The following ANKRD11 variants were observed in gnomAD, a reference collection of about 807,000 sequenced individuals.
The protein encoded by ANKRD11 is ankyrin repeat domain-containing protein 11.
Under a neutral mutation model 195.7 loss-of-function variants are expected in ANKRD11, and 17 were observed. The ratio of observed to expected loss-of-function variants is 0.09; its 90% CI spans 0.06 to 0.13. The LOEUF is 0.13. Ranked by LOEUF, ANKRD11 falls within the 10% of genes least tolerant of loss-of-function variation. ANKRD11 has a pLI of 1.00. For synonymous variants in ANKRD11, 1,953 were observed against 1,528.1 expected (o/e 1.28, Z -6.49); for missense variants, 3,735 against 3,566.1 (o/e 1.05, Z -1.21).
chr16:89,299,267 G>A, intron 4 of ANKRD11: 1 of 190,906 alleles, frequency 5.2e-6, no homozygotes, highest in South Asian at 7.1e-5. Context: ...GATCTACAGG[G>A]GAGGGGCCTG....
At chr16:89,341,641 C>A (rs2038664981) in intron 2 of ANKRD11, among the ~76,000 whole-genome samples, 1 of 152,254 alleles carries the variant, frequency 6.6e-6, no homozygotes, top group Admixed American at 6.5e-5. Flanking sequence ...CCACCGTTAA[C>A]ACTGGGAGCA....
At chr16:89,275,806 T>C (rs971930385) in intron 9 of ANKRD11, among the ~76,000 whole-genome samples, 3 of 151,974 alleles carry the variant, frequency 2.0e-5, no homozygotes, top group Admixed American at 6.6e-5. Context: ...TGAAACTACA[T>C]GCATGCTGGA....
In ANKRD11 at chr16:89,398,744, CA is replaced by C. The variant is rs949550430; in HGVS notation, c.-60+19539del. On this transcript the variant is annotated intron_variant, in intron 2 of 12. Transcript: ENST00000301030. ...CAGTGACAGAGAGAGATTGTGTGTC[CA>C]AAAAAAAAAATCCCAATACACTGTT... Among the ~76,000 whole-genome samples, 1,303 of 144,176 alleles carry C rather than the reference CA, an allele frequency of 9.0e-3. 13 individuals carry two copies. The highest frequency in any genetic ancestry group is 0.031 in the African/African-American group (1,240 of 39,472). 94.6% of individuals were successfully genotyped at this position (144,176 alleles called of 152,430 possible).
At chr16:89,346,384 G>A (rs2038943576) in intron 2 of ANKRD11, among the ~76,000 whole-genome samples, 1 of 152,014 alleles carries the variant, frequency 6.6e-6, no homozygotes, top group East Asian at 1.9e-4. Context: ...CAGAAGATCT[G>A]AAAGCAAGAC....
intron 1 of ANKRD11, among the ~76,000 whole-genome samples, chr16:89,456,645 C>G (rs976846464): frequency 2.6e-5 from 4 of 151,746 alleles, no homozygotes; most frequent in African/African-American, 9.7e-5. Flanking sequence ...CACAAGTAAA[C>G]AGGAATACAG....
chr16:89,310,434 T>C (rs1363550639), intron 3 of ANKRD11, among the ~76,000 whole-genome samples: 2 of 152,224 alleles, frequency 1.3e-5, no homozygotes, highest in Non-Finnish European at 2.9e-5. Context: ...TCTTTTCAAT[T>C]TCCCTATTAA....
intron 3 of ANKRD11, 120 bp from the exon 4 acceptor site, chr16:89,305,464 G>A: frequency 7.3e-7 from 1 of 1,375,240 alleles, no homozygotes; most frequent in Non-Finnish European, 1.0e-6. Flanking sequence ...CACCCTCCCT[G>A]CACCCCAGGG....
intron 11 of ANKRD11, 113 bp downstream of exon 11, chr16:89,274,701 G>A: frequency 2.0e-6 from 3 of 1,492,192 alleles, no homozygotes; most frequent in African/African-American, 1.4e-5. Context: ...CCCCTGCAAG[G>A]TGCTGAGCAC....
At chr16:89,306,546 T>C (rs375422800) in intron 3 of ANKRD11, among the ~76,000 whole-genome samples, 196 of 2,300 alleles carry the variant, frequency 0.085, 1 homozygote, top group Admixed American at 0.12. Context: ...CACGCGCCAC[T>C]TACCTCCCAC....
chr16:89,281,794 A>G lies in ANKRD11; in HGVS notation c.4748T>C (p.Phe1583Ser), dbSNP rs1264377307. 1 of 1,613,596 alleles carries G rather than the reference A, an allele frequency of 6.2e-7. No homozygotes were observed. The change falls in exon 9 of 13, where the codon TTC (phenylalanine) becomes TCC (serine). Residue 1583 changes from phenylalanine (F) to serine (S), a missense_variant. Phe to Ser is a radical substitution (Grantham distance 155). Transcript: ENST00000301030. This position sits in a 1 kb window ranked among gnomAD's most constrained non-coding sequence, Gnocchi z 5.5. ...LGDGDLMMTS[F>S]ERMLSQKDLE... is the part of the protein sequence containing the mutation. ...GTCCTTCTGGGACAGCATCCTCTCG[A>G]AGCTGGTCATCATCAGGTCGCCGTC...
At chr16:89,270,173 A>C (rs1321045014) in intron 12 of ANKRD11, 1 of 161,494 alleles carries the variant, frequency 6.2e-6, no homozygotes, top group Non-Finnish European at 1.4e-5. Flanking sequence ...GGTGGTTCTC[A>C]TCTGTGCCCA....
intron 2 of ANKRD11, among the ~76,000 whole-genome samples, chr16:89,368,017 C>CA (rs1567708248): frequency 6.6e-6 from 1 of 151,922 alleles, no homozygotes; most frequent in Non-Finnish European, 1.5e-5. Flanking sequence ...AAACAAAAAA[C>CA]AAAAAAAGAA....
intron 3 of ANKRD11, chr16:89,313,230 A>G: frequency 2.4e-6 from 3 of 1,228,478 alleles, no homozygotes; most frequent in South Asian, 1.4e-5. Context: ...CATGGAGCAC[A>G]ATGAGACAGG....
At chr16:89,292,518 G>T (rs908473236) in intron 4 of ANKRD11, among the ~76,000 whole-genome samples, 2 of 152,150 alleles carry the variant, frequency 1.3e-5, no homozygotes, top group Non-Finnish European at 2.9e-5. Context: ...TTAGGAATTC[G>T]GTCTGGGGCA....
At chr16:89,425,889 G>A (rs962132043) in intron 1 of ANKRD11, among the ~76,000 whole-genome samples, 3 of 152,120 alleles carry the variant, frequency 2.0e-5, no homozygotes, top group African/African-American at 4.8e-5. Flanking sequence ...AGGAAAAAAC[G>A]AAACAGGAAA....
At chr16:89,377,945 A>G (rs186876275) in intron 2 of ANKRD11, among the ~76,000 whole-genome samples, 14 of 151,690 alleles carry the variant, frequency 9.2e-5, no homozygotes, top group Non-Finnish European at 2.1e-4. Context: ...ATGATGACCC[A>G]CTTCCACTTA....
chr16:89,278,075 G>A (rs1049613709), intron 9 of ANKRD11: 18 of 190,072 alleles, frequency 9.5e-5, no homozygotes, highest in East Asian at 1.5e-4. Flanking sequence ...CAAGCGAGAC[G>A]GCTGCATCAA....
At chr16:89,388,905 G>A (rs2041049502) in intron 2 of ANKRD11, among the ~76,000 whole-genome samples, 8 of 152,186 alleles carry the variant, frequency 5.3e-5, no homozygotes, top group Admixed American at 3.9e-4. Context: ...GGGACAAAAA[G>A]GTTCCAAGGA....
intron 2 of ANKRD11, among the ~76,000 whole-genome samples, chr16:89,321,445 TGGGGCGGGAGCTGC>T (rs1304941274): frequency 3.5e-4 from 3 of 8,520 alleles, no homozygotes; most frequent in African/African-American, 1.6e-3. Context: ...GGGCAGGGTG[TGGGGCGGGAGCTGC>T]GGGGCGGGGA....
Sources: gnomAD v4.1 joint callset for allele counts (sites outside exome capture counted in the v4.1 genomes callset) on GRCh38, gnomAD v4.1.1 for gene constraint, Gnocchi (gnomAD v3.1) non-coding constraint, MANE v1.5 for transcripts, NCBI Gene and HGNC (gene_info 2026-07-23, HGNC 2026-07-21) for gene names.